Variants in EVC observed in about 807,000 individuals in gnomAD.
EVC encodes evC complex member EVC.
In EVC, 116 loss-of-function variants were observed where a neutral mutation model predicts 118.9. That is an observed-to-expected ratio of 0.98 (90% CI 0.84 to 1.14). The LOEUF is 1.14. EVC is among the 50% of genes most tolerant of loss of function. The pLI is 0.00. For synonymous variants in EVC, 619 were observed against 534.7 expected (o/e 1.16, Z -2.18); for missense variants, 1,401 against 1,246.4 (o/e 1.12, Z -1.87).
chr4:5,719,460 C>G lies in EVC; in HGVS notation c.300+87C>G, dbSNP rs945206881. On this transcript the variant is annotated intron_variant, in intron 2 of 20. Transcript: ENST00000264956. This position sits in a 1 kb window ranked among gnomAD's most constrained non-coding sequence, Gnocchi z 4.7. Reference sequence around the variant, plus strand: ...GAAGCCGGGTGTCATGTAGACAAGCCTCTGACAGATATAGTTTCCCAATGG... The same window carrying G: ...GAAGCCGGGTGTCATGTAGACAAGCGTCTGACAGATATAGTTTCCCAATGG... 4.4e-6 allele frequency: 7 copies of G among 1,594,010 alleles called. No homozygotes were observed. In the African/African-American group the frequency reaches 8.1e-5, roughly 18 times the overall value.
At chr4:5,818,081 T>A (rs1187872060), downstream of EVC, among the ~76,000 whole-genome samples, 6 of 152,116 alleles carry the variant, frequency 3.9e-5, no homozygotes, top group Admixed American at 3.3e-4. Context: ...GGGAGATAAT[T>A]GAATCATGGG....
chr4:5,711,822 TCTC>T (rs1177986383), intron 1 of EVC, among the ~76,000 whole-genome samples: 3 of 152,282 alleles, frequency 2.0e-5, no homozygotes, highest in African/African-American at 7.2e-5. Flanking sequence ...CACGCCTCGG[TCTC>T]CTCATCTGCA....
In EVC at chr4:5,730,534, G is replaced by A. The variant is rs1368473159; in HGVS notation, c.385-891G>A. ...CATCCTCTGGGTAGGCCCTGCGTGG[G>A]CCCTGGGGATCACGCCATAGTCAGC... On this transcript the variant is annotated intron_variant, in intron 3 of 20. Coordinates refer to ENST00000264956, the MANE Select transcript of EVC (RefSeq NM_153717.3). 2.0e-5 allele frequency among the ~76,000 whole-genome samples: 3 copies of A among 152,204 alleles called. No individual in the cohort carries two copies. The East Asian group carries it at 5.8e-4, about 30-fold the overall frequency.
At chr4:5,712,985 G>A (rs563254258) in intron 1 of EVC, among the ~76,000 whole-genome samples, 34 of 152,354 alleles carry the variant, frequency 2.2e-4, no homozygotes, top group Middle Eastern at 3.4e-3. Flanking sequence ...AGGGTGCCAC[G>A]ATGAGTAAAC....
At position 5,783,769 on chromosome 4, in the gene EVC, G is replaced by A. The variant is rs968001713; in HGVS notation, c.1776+5G>A. On this transcript the variant is annotated splice_donor_5th_base_variant and intron_variant, in intron 12 of 20. Coordinates refer to ENST00000264956, the MANE Select transcript of EVC (RefSeq NM_153717.3). ...CTCCTAGAGCAAGACCAGCAGGTGCGGGCATTTGGGAACCCAGGGGCTGGG... is the reference window on the plus strand; with the variant it reads ...CTCCTAGAGCAAGACCAGCAGGTGCAGGCATTTGGGAACCCAGGGGCTGGG... 43 of 1,603,878 alleles carry A rather than the reference G, an allele frequency of 2.7e-5. No individual in the cohort carries two copies. The highest frequency in any genetic ancestry group is 4.5e-5 in the South Asian group (4 of 89,604).
At chr4:5,716,272 A>C (rs1723946960) in intron 1 of EVC, among the ~76,000 whole-genome samples, 1 of 152,268 alleles carries the variant, frequency 6.6e-6, no homozygotes, top group African/African-American at 2.4e-5. Context: ...GTTACAGGCA[A>C]AATTGTAAAT....
rs373088008 is a variant in EVC, at chr4:5,756,300, C to T, written c.1501C>T (p.Gln501Ter). ...GGTCCTGGAGAGGCAGAGGCTGATG[C>T]AGTGTGACCTGGAGGAAGAGGAGAA... ...HEVLERQRLM[Q>*]CDLEEEENVR... is the part of the protein sequence containing the mutation. Residue 501 changes from glutamine to a stop codon, truncating the protein, a stop_gained, in exon 11 of 21, where the codon CAG (glutamine) becomes TAG (stop). Transcript: ENST00000264956. LOFTEE classifies it high-confidence loss of function. This position sits in a 1 kb window ranked among gnomAD's most constrained non-coding sequence, Gnocchi z 4.2. The T allele has an allele frequency of 1.2e-6, 2 of 1,612,972 alleles. No individual in the cohort carries two copies. The highest frequency in any genetic ancestry group is 1.7e-6 in the Non-Finnish European group (2 of 1,179,774).
chr4:5,722,791 C>T (rs1330684727), intron 2 of EVC, among the ~76,000 whole-genome samples: 2 of 152,206 alleles, frequency 1.3e-5, no homozygotes, highest in South Asian at 4.1e-4. Context: ...TGAATAATTG[C>T]ATTGCTCCAG....
At chr4:5,826,639 T>C in the EVC span, 1 of 151,868 alleles carries the variant, frequency 6.6e-6, no homozygotes, top group Non-Finnish European at 1.5e-5. Context: ...ATGGCCAAGG[T>C]TGGGAGGGCA....
At chr4:5,785,579 C>A (rs1193192892) in intron 12 of EVC, among the ~76,000 whole-genome samples, 2 of 152,212 alleles carry the variant, frequency 1.3e-5, no homozygotes, top group Non-Finnish European at 2.9e-5. Context: ...CTTAGACCTC[C>A]TTCTAGTTCA....
chr4:5,822,279 G>A, the EVC span, among the ~76,000 whole-genome samples: 2 of 152,224 alleles, frequency 1.3e-5, no homozygotes, highest in Admixed American at 6.5e-5. Flanking sequence ...CACGTGTCTT[G>A]CGGGACACAG....
downstream of EVC, among the ~76,000 whole-genome samples, chr4:5,817,325 T>G (rs1331169754): frequency 1.3e-5 from 2 of 152,184 alleles, no homozygotes; most frequent in Non-Finnish European, 2.9e-5. Flanking sequence ...GGCTCCCGTC[T>G]GATAGGGAAA....
chr4:5,771,012 A>G (rs1271309917), intron 11 of EVC, among the ~76,000 whole-genome samples: 4 of 60,738 alleles, frequency 6.6e-5, no homozygotes, highest in African/African-American at 2.2e-4. Flanking sequence ...ACTTCATTTC[A>G]AAAAAAAAAA....
chr4:5,778,955 AGG>A (rs1560392581), intron 11 of EVC, among the ~76,000 whole-genome samples: 1 of 152,062 alleles, frequency 6.6e-6, no homozygotes, highest in Non-Finnish European at 1.5e-5. Context: ...GTTTTCTTCT[AGG>A]GTTTTTATGG....
At chr4:5,718,195 C>T (rs2151833295) in intron 1 of EVC, among the ~76,000 whole-genome samples, 1 of 152,312 alleles carries the variant, frequency 6.6e-6, no homozygotes, top group South Asian at 2.1e-4. Flanking sequence ...GAACACTGAA[C>T]CGTTGTTCCT....
chr4:5,733,273 A>C (rs1727131909), intron 4 of EVC, 78 bp from the exon 5 acceptor site: 1 of 1,191,314 alleles, frequency 8.4e-7, no homozygotes, highest in African/African-American at 1.5e-5. Context: ...GCTTGTACTG[A>C]TGAGGGACGT....
chr4:5,828,722 C>T, the EVC span: 1 of 1,570,410 alleles, frequency 6.4e-7, no homozygotes, highest in Non-Finnish European at 8.7e-7. Flanking sequence ...CCCAAACGAG[C>T]TGTTCATAAC....
At chr4:5,791,955 C>T (rs1189382578) in intron 12 of EVC, among the ~76,000 whole-genome samples, 1 of 152,206 alleles carries the variant, frequency 6.6e-6, no homozygotes, top group East Asian at 1.9e-4. Context: ...CAAGTGATAA[C>T]CCAATCTGTT....
Position 5,811,128 on chromosome 4 carries a change from C to A in EVC, c.*91C>A. 2.9e-6 allele frequency: 3 copies of A among 1,024,654 alleles called. No individual in the cohort carries two copies. The highest frequency in any genetic ancestry group is 4.5e-6 in the Non-Finnish European group (3 of 665,924). 63.5% of individuals were successfully genotyped at this position (1,024,654 alleles called of 1,614,324 possible). ...CTGCAGTGCTGAGAGGCAGCGAGGA[C>A]GGAGAGGACAGCGGCATCTCTAGGC... On this transcript the variant is annotated 3_prime_UTR_variant, in exon 21 of 21. Coordinates refer to ENST00000264956, the MANE Select transcript of EVC (RefSeq NM_153717.3).
Sources: allele counts gnomAD v4.1 joint callset (sites outside exome capture counted in the v4.1 genomes callset), GRCh38; gene constraint gnomAD v4.1.1; non-coding constraint Gnocchi (gnomAD v3.1); transcripts MANE v1.5; gene names NCBI Gene and HGNC (gene_info 2026-07-23, HGNC 2026-07-21).